The following SMAP1 variants were observed in gnomAD, a reference collection of about 807,000 sequenced individuals.
SMAP1 encodes stromal membrane-associated protein 1.
In SMAP1, 24 loss-of-function variants were observed where a neutral mutation model predicts 58.5. The ratio of observed to expected loss-of-function variants is 0.41; its 90% CI spans 0.30 to 0.58. The LOEUF (loss-of-function observed/expected upper bound fraction) is 0.58, where lower values mean the gene tolerates loss of function less well. Ranked by LOEUF, SMAP1 falls within the 20% of genes least tolerant of loss-of-function variation. SMAP1 has a pLI of 0.29. For missense variants in SMAP1, 563 were observed against 566.3 expected (o/e 0.99, Z 0.06); for synonymous variants, 216 against 196.6 (o/e 1.10, Z -0.82).
chr6:70,790,299 C>G (rs1480135818), intron 4 of SMAP1, among the ~76,000 whole-genome samples: 2 of 152,148 alleles, frequency 1.3e-5, no homozygotes, highest in Non-Finnish European at 2.9e-5. Context: ...CACCACCACA[C>G]CTGGCTAAAT....
chr6:70,746,080 G>A (rs574148513), intron 2 of SMAP1, among the ~76,000 whole-genome samples: 7 of 152,240 alleles, frequency 4.6e-5, no homozygotes, highest in South Asian at 2.1e-4. Flanking sequence ...GGGCTGAGAC[G>A]ATGGGGTTTT....
intron 4 of SMAP1, among the ~76,000 whole-genome samples, chr6:70,777,422 AAT>A (rs1237079144): frequency 6.6e-6 from 1 of 152,090 alleles, no homozygotes; most frequent in Non-Finnish European, 1.5e-5. Context: ...TCTTTTGAGA[AAT>A]GTCTATTCAG....
At chr6:70,819,588 T>C (rs1468076196) in intron 6 of SMAP1, among the ~76,000 whole-genome samples, 1 of 152,172 alleles carries the variant, frequency 6.6e-6, no homozygotes, top group East Asian at 1.9e-4. Flanking sequence ...AAGCATAAAA[T>C]GACTTGAAAA....
intron 6 of SMAP1, among the ~76,000 whole-genome samples, chr6:70,803,603 A>T (rs936250434): frequency 2.6e-5 from 4 of 151,966 alleles, no homozygotes; most frequent in South Asian, 2.1e-4. Context: ...TCAATTTTAG[A>T]CCTTTCCTAC....
At chr6:70,844,347 ATG>A (rs1770911207) in intron 7 of SMAP1, among the ~76,000 whole-genome samples, 1 of 152,136 alleles carries the variant, frequency 6.6e-6, no homozygotes, top group Admixed American at 6.6e-5. Context: ...ACATGTGTGC[ATG>A]TGTGTGTGGT....
intron 3 of SMAP1, chr6:70,759,890 A>G (rs929613653): frequency 6.7e-6 from 3 of 448,264 alleles, no homozygotes; most frequent in Non-Finnish European, 4.5e-6. Context: ...TGTTTGCCCT[A>G]TGCCAAGCCC....
intron 1 of SMAP1, among the ~76,000 whole-genome samples, chr6:70,681,007 T>C (rs1437913872): frequency 6.6e-6 from 1 of 151,924 alleles, no homozygotes; most frequent in Non-Finnish European, 1.5e-5. Flanking sequence ...TGTGAGCCAC[T>C]GCGCCTGGCC....
At chr6:70,778,115 A>G (rs1369600227) in intron 4 of SMAP1, among the ~76,000 whole-genome samples, 1 of 152,248 alleles carries the variant, frequency 6.6e-6, no homozygotes, top group East Asian at 1.9e-4. Context: ...GTATATATTT[A>G]TAGGAGACAT....
Position 70,740,288 on chromosome 6 carries a change from G to A in SMAP1, c.252+7777G>A, listed in dbSNP as rs139266830. The stretch of plus-strand genomic sequence containing the variant: ...TAAAAACAAGGCCATGGCTGGAGGC[G>A]GTGGCTCATGCCTATAATCCCAGCA... On this transcript the variant is annotated intron_variant, in intron 2 of 10. Coordinates refer to ENST00000370455, the MANE Select transcript of SMAP1 (RefSeq NM_001044305.3). Among the ~76,000 whole-genome samples the A allele has an allele frequency of 6.6e-5, 10 of 152,092 alleles. No homozygotes were observed. In the East Asian group the frequency reaches 1.2e-3, roughly 18 times the overall value.
intron 6 of SMAP1, among the ~76,000 whole-genome samples, chr6:70,810,548 C>G (rs1416160340): frequency 6.6e-6 from 1 of 152,126 alleles, no homozygotes; most frequent in Non-Finnish European, 1.5e-5. Context: ...GTCCCTTTGT[C>G]ATTTGACAAT....
intron 4 of SMAP1, among the ~76,000 whole-genome samples, chr6:70,789,283 G>A (rs6927575): frequency 0.54 from 82,101 of 151,860 alleles, 22,461 homozygotes; most frequent in South Asian, 0.62. Flanking sequence ...TACCACCACA[G>A]TCAAGATATA....
chr6:70,824,234 G>A (rs947598495), intron 6 of SMAP1, among the ~76,000 whole-genome samples: 5 of 152,128 alleles, frequency 3.3e-5, no homozygotes, highest in Admixed American at 2.6e-4. Flanking sequence ...CAAGCTCCCT[G>A]CTTGCTGGAC....
At chr6:70,806,714 A>C (rs1769150559) in intron 6 of SMAP1, among the ~76,000 whole-genome samples, 1 of 152,254 alleles carries the variant, frequency 6.6e-6, no homozygotes, top group South Asian at 2.1e-4. Context: ...ATTTATTTCT[A>C]TAAGTAATTA....
chr6:70,811,196 A>G (rs527918234), intron 6 of SMAP1, among the ~76,000 whole-genome samples: 1 of 152,286 alleles, frequency 6.6e-6, no homozygotes, highest in East Asian at 1.9e-4. Flanking sequence ...TCTGTGCCTC[A>G]GTTTCTTCAT....
intron 8 of SMAP1, among the ~76,000 whole-genome samples, chr6:70,856,192 AAT>A (rs1771414475): frequency 6.6e-6 from 1 of 152,198 alleles, no homozygotes; most frequent in African/African-American, 2.4e-5. Flanking sequence ...GTGATTGTAT[AAT>A]AGTGTGTGCA....
At chr6:70,741,535 C>T (rs1015450004) in intron 2 of SMAP1, among the ~76,000 whole-genome samples, 3 of 152,190 alleles carry the variant, frequency 2.0e-5, no homozygotes, top group African/African-American at 7.2e-5. Flanking sequence ...TGTGTCTTTG[C>T]AGGGTATAGC....
chr6:70,805,122 C>A (rs1769061806), intron 6 of SMAP1, among the ~76,000 whole-genome samples: 1 of 152,156 alleles, frequency 6.6e-6, no homozygotes, highest in Non-Finnish European at 1.5e-5. Context: ...TTCTCCCCAT[C>A]ACTTTCAGGT....
chr6:70,838,623 A>G (rs1300708323), intron 7 of SMAP1, among the ~76,000 whole-genome samples: 1 of 152,112 alleles, frequency 6.6e-6, no homozygotes, highest in African/African-American at 2.4e-5. Context: ...AACACAGCAG[A>G]TGCAAAGGCT....
At chr6:70,817,634 T>C (rs548905751) in intron 6 of SMAP1, among the ~76,000 whole-genome samples, 20 of 152,326 alleles carry the variant, frequency 1.3e-4, no homozygotes, top group Admixed American at 9.8e-4. Context: ...TTATCCCCTT[T>C]GTGATTGTAC....
Sources: allele counts gnomAD v4.1 joint callset (sites outside exome capture counted in the v4.1 genomes callset), GRCh38; gene constraint gnomAD v4.1.1; transcripts MANE v1.5; gene names NCBI Gene and HGNC (gene_info 2026-07-23, HGNC 2026-07-21).